Variants in RBFOX1 observed in about 807,000 individuals in gnomAD.
RBFOX1 encodes RNA binding fox-1 homolog 1.
Under a neutral mutation model 57.7 loss-of-function variants are expected in RBFOX1, and 8 were observed. The ratio of observed to expected loss-of-function variants is 0.14; its 90% CI spans 0.08 to 0.25. RBFOX1 has a LOEUF of 0.25. Among genes scored for constraint, RBFOX1 ranks in the 10% least tolerant of loss-of-function variants. RBFOX1 has a pLI of 1.00. For synonymous variants in RBFOX1, 326 were observed against 222.4 expected, an observed-to-expected ratio of 1.47 and a Z score of -4.15; for missense variants, 611 against 548.5, an observed-to-expected ratio of 1.11 and a Z score of -1.14.
intron 4 of RBFOX1, among the ~76,000 whole-genome samples, chr16:5,978,989 G>C (rs1007006110): frequency 6.6e-6 from 1 of 152,134 alleles, no homozygotes; most frequent in Non-Finnish European, 1.5e-5. Flanking sequence ...AATGAGTTAT[G>C]GTGCTAAGAA....
rs183470783 is a variant in RBFOX1 at position 7,122,929 on chromosome 16, G to T, written c.27+70831G>T. Among the ~76,000 whole-genome samples, 87 of 152,198 alleles carry T rather than the reference G, an allele frequency of 5.7e-4. 2 individuals are homozygous for T. The East Asian group carries it at 0.011, about 19-fold the overall frequency. ...ATCTATTTCAAAAGCATTATGCTAA[G>T]AGAAGGAAGCCAGTCTCAAACGATG... On this transcript the variant is annotated intron_variant, in intron 4 of 15. Coordinates refer to ENST00000550418, the MANE Select transcript of RBFOX1 (RefSeq NM_018723.4).
chr16:5,722,995 A>G (rs2151538744), intron 3 of RBFOX1, among the ~76,000 whole-genome samples: 1 of 152,296 alleles, frequency 6.6e-6, no homozygotes, highest in East Asian at 1.9e-4. Flanking sequence ...ATATTCGCAT[A>G]CTTAGGGCAC....
chr16:7,160,794 C>A (rs1274508892), intron 4 of RBFOX1, among the ~76,000 whole-genome samples: 1 of 147,088 alleles, frequency 6.8e-6, no homozygotes, highest in Non-Finnish European at 1.5e-5. Context: ...TCTCCCTCCT[C>A]CGTCTCCCCC....
chr16:7,025,561 A>C (rs1031949775), intron 3 of RBFOX1, among the ~76,000 whole-genome samples: 1 of 152,156 alleles, frequency 6.6e-6, no homozygotes, highest in Non-Finnish European at 1.5e-5. Flanking sequence ...ATCCCAAGAC[A>C]TAAGATTGTG....
chr16:6,275,965 C>G (rs796929230), intron 1 of RBFOX1, among the ~76,000 whole-genome samples: 2 of 152,204 alleles, frequency 1.3e-5, no homozygotes, highest in African/African-American at 4.8e-5. Context: ...ATTGCATTGC[C>G]TTAATTCATT....
At chr16:6,715,123 A>T (rs2064520838) in intron 3 of RBFOX1, among the ~76,000 whole-genome samples, 1 of 152,174 alleles carries the variant, frequency 6.6e-6, no homozygotes. Context: ...AAGATTTGCC[A>T]CTTGGGACTA....
intron 2 of RBFOX1, among the ~76,000 whole-genome samples, chr16:6,488,784 G>A (rs1276929021): frequency 6.6e-6 from 1 of 152,022 alleles, no homozygotes; most frequent in Non-Finnish European, 1.5e-5. Flanking sequence ...TTGTGTCTTT[G>A]CGAGAGGATG....
At position 6,952,801 on chromosome 16, in the gene RBFOX1, C is replaced by A. The variant is rs570271777; in HGVS notation, c.-15-99256C>A. Among the ~76,000 whole-genome samples, 3 of 152,166 alleles carry A rather than the reference C, an allele frequency of 2.0e-5. No individual in the cohort carries two copies. In the East Asian group the frequency reaches 5.8e-4, roughly 29 times the overall value. On this transcript the variant is annotated intron_variant, in intron 3 of 15. Coordinates refer to ENST00000550418, the MANE Select transcript of RBFOX1 (RefSeq NM_018723.4). ...CACCAGCCTGGCCAACATGGTGAAA[C>A]CCCATCTCTACTAAAATACAAAAAT...
At chr16:7,194,714 G>A (rs915664145) in intron 4 of RBFOX1, among the ~76,000 whole-genome samples, 2 of 152,034 alleles carry the variant, frequency 1.3e-5, no homozygotes, top group African/African-American at 4.8e-5. Flanking sequence ...GATTGCCTGA[G>A]CCCTGGAGTG....
At chr16:5,740,362 G>C (rs925545212) in intron 3 of RBFOX1, among the ~76,000 whole-genome samples, 4 of 152,228 alleles carry the variant, frequency 2.6e-5, no homozygotes, top group African/African-American at 9.6e-5. Flanking sequence ...CCCAGGCACA[G>C]GGGCTGGCCA....
chr16:7,193,056 T>G (rs1037549067), intron 4 of RBFOX1, among the ~76,000 whole-genome samples: 1 of 152,218 alleles, frequency 6.6e-6, no homozygotes, highest in African/African-American at 2.4e-5. Flanking sequence ...CCTGTGAGCA[T>G]GTTGGGTTAC....
chr16:6,267,466 G>C (rs1375646941), intron 1 of RBFOX1, among the ~76,000 whole-genome samples: 1 of 152,170 alleles, frequency 6.6e-6, no homozygotes, highest in Non-Finnish European at 1.5e-5. Context: ...TAGCCTAAGA[G>C]AAATAGACCA....
chr16:6,021,313 C>A (rs557270556), intron 1 of RBFOX1, among the ~76,000 whole-genome samples: 1 of 152,228 alleles, frequency 6.6e-6, no homozygotes, highest in Non-Finnish European at 1.5e-5. Flanking sequence ...TGTCCTAGTT[C>A]ATCTCCCCTC....
intron 3 of RBFOX1, among the ~76,000 whole-genome samples, chr16:5,656,980 C>T (rs964601075): frequency 1.3e-5 from 2 of 152,038 alleles, no homozygotes; most frequent in African/African-American, 2.4e-5. Context: ...ATATTTAATG[C>T]GTGCGGGGCT....
intron 4 of RBFOX1, among the ~76,000 whole-genome samples, chr16:5,885,658 C>G (rs549371591): frequency 1.3e-5 from 2 of 152,296 alleles, no homozygotes; most frequent in Admixed American, 1.3e-4. Flanking sequence ...TTCCGCTATG[C>G]TAATGTTGCC....
At chr16:7,041,944 C>T (rs192164022) in intron 3 of RBFOX1, among the ~76,000 whole-genome samples, 2 of 152,250 alleles carry the variant, frequency 1.3e-5, no homozygotes, top group Non-Finnish European at 2.9e-5. Flanking sequence ...GGGAAATTGC[C>T]TGCAGAGATT....
intron 4 of RBFOX1, among the ~76,000 whole-genome samples, chr16:7,164,927 C>T (rs1455850868): frequency 6.6e-6 from 1 of 152,162 alleles, no homozygotes; most frequent in Non-Finnish European, 1.5e-5. Flanking sequence ...TGCTTTGAAT[C>T]ATCAACTGGA....
At chr16:7,657,420 T>G (rs2066584474) in intron 12 of RBFOX1, among the ~76,000 whole-genome samples, 1 of 152,196 alleles carries the variant, frequency 6.6e-6, no homozygotes. Flanking sequence ...TTCTCCCACC[T>G]CAGCCTCCTA....
intron 3 of RBFOX1, among the ~76,000 whole-genome samples, chr16:6,720,437 G>C (rs2065754129): frequency 6.6e-6 from 1 of 152,188 alleles, no homozygotes; most frequent in Non-Finnish European, 1.5e-5. Flanking sequence ...CCCACTCTCA[G>C]GTAGTTCTTT....
Sources: gnomAD v4.1 joint callset for allele counts (sites outside exome capture counted in the v4.1 genomes callset) on GRCh38, gnomAD v4.1.1 for gene constraint, MANE v1.5 for transcripts, NCBI Gene and HGNC (gene_info 2026-07-23, HGNC 2026-07-21) for gene names.